ZDHHC15: variants seen among roughly 807,000 people sequenced by gnomAD.
The protein encoded by ZDHHC15 is palmitoyltransferase ZDHHC15.
In ZDHHC15, 19 loss-of-function variants were observed where a neutral mutation model predicts 31.7. That is an observed-to-expected ratio of 0.60 (90% CI 0.42 to 0.88). The LOEUF is 0.88. ZDHHC15 is among the 40% of genes least tolerant of loss of function. The pLI, the probability that ZDHHC15 is intolerant of heterozygous loss-of-function variation, is 0.00. For missense variants in ZDHHC15, 209 were observed against 251.2 expected, an observed-to-expected ratio of 0.83 and a Z score of 1.14; for synonymous variants, 103 against 90.0, an observed-to-expected ratio of 1.14 and a Z score of -0.82.
rs145821691 is a variant in ZDHHC15, at chrX:75,497,194, C to T, written c.163+8627G>A. Among the ~76,000 whole-genome samples, 310 of 111,275 alleles carry T rather than the reference C, an allele frequency of 2.8e-3. 1 individual carries two copies. Among genetic ancestry groups the T allele is most frequent in the Non-Finnish European group, 5.1e-3 (271 of 52,967 alleles). On this transcript the variant is annotated intron_variant, in intron 2 of 11. Coordinates refer to ENST00000373367, the MANE Select transcript of ZDHHC15 (RefSeq NM_144969.3). ...CAGAAATACAAAAGATCATTGAAGGCTACTATGAATACCTTCAAGACCACA... is the reference window on the plus strand; with the variant it reads ...CAGAAATACAAAAGATCATTGAAGGTTACTATGAATACCTTCAAGACCACA...
intron 10 of ZDHHC15, among the ~76,000 whole-genome samples, chrX:75,402,598 C>T (rs1602568918): frequency 9.0e-6 from 1 of 111,412 alleles, no homozygotes; most frequent in East Asian, 2.8e-4. Flanking sequence ...CCATCAGAAG[C>T]TACTATGAAC....
At chrX:75,484,684 T>G (rs191085498) in intron 2 of ZDHHC15, among the ~76,000 whole-genome samples, 1 of 112,045 alleles carries the variant, frequency 8.9e-6, no homozygotes, top group East Asian at 2.8e-4. Context: ...AATCATCCAC[T>G]TACCATATGA....
chrX:75,414,220 T>C (rs968998184), intron 10 of ZDHHC15, among the ~76,000 whole-genome samples: 2 of 110,937 alleles, frequency 1.8e-5, no homozygotes, highest in African/African-American at 3.3e-5. Context: ...GTTTTCTATA[T>C]ATTTGTGCAT....
chrX:75,430,007 A>G, intron 5 of ZDHHC15, 27 bp from the exon 6 acceptor site: 1 of 1,197,032 alleles, frequency 8.4e-7, no homozygotes, highest in Non-Finnish European at 1.1e-6. Flanking sequence ...ATACAGTGTG[A>G]TAAGTGAGGC....
chrX:75,449,448 C>A (rs1026945031), intron 4 of ZDHHC15, among the ~76,000 whole-genome samples: 5 of 111,470 alleles, frequency 4.5e-5, no homozygotes, highest in Non-Finnish European at 9.4e-5. Context: ...TACCCAGATT[C>A]AACAATTATC....
chrX:75,503,928 C>T (rs1238964030), intron 2 of ZDHHC15, among the ~76,000 whole-genome samples: 2 of 111,067 alleles, frequency 1.8e-5, no homozygotes, highest in Non-Finnish European at 3.8e-5. Context: ...CATAGTGTTA[C>T]TTGGCTTGTG....
In ZDHHC15 at chrX:75,371,433, T is replaced by G. The variant is rs1311759345; in HGVS notation, c.*1545A>C. On this transcript the variant is annotated 3_prime_UTR_variant, in exon 12 of 12. Transcript: ENST00000373367. The stretch of plus-strand genomic sequence containing the variant: ...TAATGCTGACCACAATCCATTTAAT[T>G]TATGCCAAAAGTCTCACCTTGGTCA... 1 of 111,793 alleles carries G rather than the reference T, an allele frequency of 8.9e-6. No homozygotes were observed. Among genetic ancestry groups the G allele is most frequent in the Non-Finnish European group, 1.9e-5 (1 of 53,183 alleles). The allele number at this position is 111,793 out of a possible 1,213,427, so 9.2% of individuals were successfully genotyped here. A position where few individuals can be genotyped will look rare whatever the true frequency, so the allele number is the denominator to read the frequency against.
intron 10 of ZDHHC15, among the ~76,000 whole-genome samples, chrX:75,402,362 T>G (rs2083367098): frequency 9.1e-6 from 1 of 109,950 alleles, no homozygotes; most frequent in Admixed American, 9.7e-5. Context: ...AAACCCCAAA[T>G]GCTAGCAGAA....
At chrX:75,385,493 T>C (rs776678739) in intron 10 of ZDHHC15, among the ~76,000 whole-genome samples, 1 of 111,846 alleles carries the variant, frequency 8.9e-6, no homozygotes, top group East Asian at 2.8e-4. Context: ...CTGATACCAA[T>C]TTACCTGCTG....
chrX:75,395,592 A>T (rs2083291149), intron 10 of ZDHHC15, among the ~76,000 whole-genome samples: 1 of 112,167 alleles, frequency 8.9e-6, no homozygotes, highest in South Asian at 3.7e-4. Flanking sequence ...ATTTGGAAGA[A>T]GATTGTTAAA....
intron 10 of ZDHHC15, among the ~76,000 whole-genome samples, chrX:75,414,490 C>T (rs12845115): frequency 0.59 from 54,535 of 92,158 alleles, 16,410 homozygotes; most frequent in Middle Eastern, 0.81. Context: ...AGTGCAGCGG[C>T]GCGATCTCGG....
chrX:75,461,880 C>A (rs934888741), intron 3 of ZDHHC15, among the ~76,000 whole-genome samples: 3 of 111,778 alleles, frequency 2.7e-5, no homozygotes, highest in Non-Finnish European at 3.8e-5. Context: ...AACAAGTCTG[C>A]AAAATAGCCA....
chrX:75,488,481 G>A (rs1045625389), intron 2 of ZDHHC15, among the ~76,000 whole-genome samples: 1 of 112,365 alleles, frequency 8.9e-6, no homozygotes, highest in Non-Finnish European at 1.9e-5. Context: ...GAGAGAATTT[G>A]CCATTACCAA....
chrX:75,510,637 A>T (rs1341956470), intron 1 of ZDHHC15, among the ~76,000 whole-genome samples: 1 of 92,915 alleles, frequency 1.1e-5, no homozygotes, highest in Non-Finnish European at 2.1e-5. Context: ...CAGGTTAGTT[A>T]CATATGTATA....
intron 2 of ZDHHC15, among the ~76,000 whole-genome samples, chrX:75,489,554 C>T (rs923162011): frequency 8.9e-6 from 1 of 111,964 alleles, no homozygotes; most frequent in Admixed American, 9.5e-5. Flanking sequence ...GGAAAACTAA[C>T]AAACAGAAAG....
intron 3 of ZDHHC15, among the ~76,000 whole-genome samples, chrX:75,454,341 C>T (rs183707293): frequency 1.2e-4 from 13 of 111,987 alleles, no homozygotes; most frequent in South Asian, 3.7e-4. Context: ...CAATGATGGA[C>T]ATTAGGGTTG....
At chrX:75,483,509 G>T in intron 2 of ZDHHC15, among the ~76,000 whole-genome samples, 1 of 111,045 alleles carries the variant, frequency 9.0e-6, no homozygotes, top group Non-Finnish European at 1.9e-5. Context: ...TGGGGCTGCA[G>T]TGAGCTATGA....
At chrX:75,495,682 CA>C (rs1286625249) in intron 2 of ZDHHC15, among the ~76,000 whole-genome samples, 2 of 104,023 alleles carry the variant, frequency 1.9e-5, no homozygotes, top group Middle Eastern at 4.9e-3. Flanking sequence ...ATCACAAGGA[CA>C]AAAAACCAAA....
rs75980928 is a variant in ZDHHC15 at position 75,499,704 on chromosome X, G to A, written c.163+6117C>T. 4.2e-3 allele frequency among the ~76,000 whole-genome samples: 465 copies of A among 112,010 alleles called. 1 individual carries two copies. Among genetic ancestry groups the A allele is most frequent in the Non-Finnish European group, 6.2e-3 (327 of 53,156 alleles). Reference sequence around the variant, plus strand: ...AAGGTAAACTATTACAACCACTATGGAAAACATTACGGAGATTCCCTAAAG... The same window carrying A: ...AAGGTAAACTATTACAACCACTATGAAAAACATTACGGAGATTCCCTAAAG... On this transcript the variant is annotated intron_variant, in intron 2 of 11. Transcript: ENST00000373367.
Sources: gnomAD v4.1 joint callset for allele counts (sites outside exome capture counted in the v4.1 genomes callset) on GRCh38, gnomAD v4.1.1 for gene constraint, MANE v1.5 for transcripts, NCBI Gene and HGNC (gene_info 2026-07-23, HGNC 2026-07-21) for gene names.